GRM8: variants seen among roughly 807,000 people sequenced by gnomAD.
GRM8 encodes glutamate metabotropic receptor 8, also known as metabotropic glutamate receptor 8.
Under a neutral mutation model 87.2 loss-of-function variants are expected in GRM8, and 47 were observed. The observed-to-expected ratio is 0.54, with a 90% CI of 0.43 to 0.69. The LOEUF (loss-of-function observed/expected upper bound fraction) is 0.69. Ranked by LOEUF, GRM8 falls within the 30% of genes least tolerant of loss-of-function variation. The pLI, the probability that GRM8 is intolerant of heterozygous loss-of-function variation, is 0.00. For synonymous variants in GRM8, 396 were observed against 404.5 expected, an observed-to-expected ratio of 0.98 and a Z score of 0.25; for missense variants, 1,019 against 1,139.2, an observed-to-expected ratio of 0.89 and a Z score of 1.52.
At chr7:126,973,054 G>A (rs894594489) in intron 3 of GRM8, among the ~76,000 whole-genome samples, 7 of 152,166 alleles carry the variant, frequency 4.6e-5, no homozygotes, top group Non-Finnish European at 1.0e-4. Flanking sequence ...TATTAGCTAT[G>A]TCTTGTATTC....
At chr7:126,761,486 T>C (rs528384594) in intron 7 of GRM8, among the ~76,000 whole-genome samples, 6 of 152,300 alleles carry the variant, frequency 3.9e-5, no homozygotes, top group African/African-American at 1.2e-4. Context: ...TATTTTCTCA[T>C]TGTGACTACT....
intron 7 of GRM8, among the ~76,000 whole-genome samples, chr7:126,638,207 A>G (rs947233227): frequency 6.6e-6 from 1 of 152,118 alleles, no homozygotes; most frequent in Non-Finnish European, 1.5e-5. Context: ...TTGCCTAAGT[A>G]CCACTGATTA....
At chr7:126,937,205 T>A (rs143959849) in intron 3 of GRM8, among the ~76,000 whole-genome samples, 38 of 152,278 alleles carry the variant, frequency 2.5e-4, no homozygotes, top group African/African-American at 7.2e-4. Flanking sequence ...GGATTTCCCA[T>A]TCGAGCCTAT....
rs139832991 is a variant in GRM8, at chr7:127,156,265, A to T, written c.511-49553T>A. On this transcript the variant is annotated intron_variant, in intron 2 of 10. Transcript: ENST00000339582. ...CTTACCACTGGGGTGGAAGAATAGC[A>T]GCACCAGCCCACCTTCGTAGCAGTT... Among the ~76,000 whole-genome samples the T allele has an allele frequency of 8.3e-3, 1,260 of 152,256 alleles. 12 individuals carry two copies. The highest frequency in any genetic ancestry group is 0.014 in the Non-Finnish European group (928 of 68,004).
chr7:126,458,739 C>A (rs1430620543), intron 9 of GRM8, among the ~76,000 whole-genome samples: 3 of 150,880 alleles, frequency 2.0e-5, no homozygotes, highest in African/African-American at 7.3e-5. Context: ...GAGACTATAT[C>A]CTTTCACCTA....
At chr7:126,741,520 C>T (rs1252919085) in intron 7 of GRM8, among the ~76,000 whole-genome samples, 1 of 152,026 alleles carries the variant, frequency 6.6e-6, no homozygotes, top group Non-Finnish European at 1.5e-5. Context: ...TGGGAACAGG[C>T]CAGGATTTTT....
chr7:127,105,569 G>A (rs1825728804), intron 3 of GRM8, among the ~76,000 whole-genome samples: 1 of 152,118 alleles, frequency 6.6e-6, no homozygotes, highest in Non-Finnish European at 1.5e-5. Flanking sequence ...CTTTCTCTGA[G>A]TCGAGGCCTC....
At chr7:126,481,373 A>G (rs1191766835) in intron 9 of GRM8, among the ~76,000 whole-genome samples, 3 of 152,106 alleles carry the variant, frequency 2.0e-5, no homozygotes, top group African/African-American at 7.2e-5. Flanking sequence ...TCAATTACCA[A>G]TGAAAAAATC....
At chr7:126,883,674 T>G (rs528920650) in intron 6 of GRM8, among the ~76,000 whole-genome samples, 1 of 152,120 alleles carries the variant, frequency 6.6e-6, no homozygotes. Context: ...CTAATATGTA[T>G]TCAAAAACCA....
Position 126,991,511 on chromosome 7 carries a change from C to G in GRM8, c.728-86828G>C, listed in dbSNP as rs980016769. 2.0e-4 allele frequency among the ~76,000 whole-genome samples: 31 copies of G among 152,082 alleles called. 1 individual carries two copies. Among genetic ancestry groups the G allele is most frequent in the Admixed American group, 6.5e-5 (1 of 15,280 alleles). Reference sequence around the variant, plus strand: ...AAAGGTAGGGCCTTTTATGAAATAGCTTTTTTATTAATTCAAAGAGATTAT... The same window carrying G: ...AAAGGTAGGGCCTTTTATGAAATAGGTTTTTTATTAATTCAAAGAGATTAT... On this transcript the variant is annotated intron_variant, in intron 3 of 10. Coordinates refer to ENST00000339582, the MANE Select transcript of GRM8 (RefSeq NM_000845.3).
At chr7:127,208,402 G>A (rs74919869) in intron 2 of GRM8, among the ~76,000 whole-genome samples, 1 of 152,072 alleles carries the variant, frequency 6.6e-6, no homozygotes, top group Non-Finnish European at 1.5e-5. Flanking sequence ...AATAGCCTCT[G>A]CAAGAGGCTA....
At chr7:127,054,088 A>T (rs1384501129) in intron 3 of GRM8, among the ~76,000 whole-genome samples, 1 of 152,080 alleles carries the variant, frequency 6.6e-6, no homozygotes, top group Non-Finnish European at 1.5e-5. Flanking sequence ...TACCCAAAAG[A>T]TAGACATATG....
At chr7:127,224,049 T>A (rs901747732) in intron 2 of GRM8, among the ~76,000 whole-genome samples, 3 of 149,602 alleles carry the variant, frequency 2.0e-5, no homozygotes, top group Non-Finnish European at 4.4e-5. Flanking sequence ...GGGAAAAAAA[T>A]GAACTAAGCC....
At chr7:127,190,307 C>A (rs1029471862) in intron 2 of GRM8, among the ~76,000 whole-genome samples, 1 of 152,160 alleles carries the variant, frequency 6.6e-6, no homozygotes, top group Non-Finnish European at 1.5e-5. Flanking sequence ...AGCCCAGGAA[C>A]AGAGAATTGT....
chr7:126,826,805 GAATGGT>G (rs1794849406), intron 6 of GRM8, among the ~76,000 whole-genome samples: 1 of 152,134 alleles, frequency 6.6e-6, no homozygotes, highest in Non-Finnish European at 1.5e-5. Flanking sequence ...CCTATGTCCT[GAATGGT>G]AATGCCTAGG....
intron 3 of GRM8, among the ~76,000 whole-genome samples, chr7:127,068,858 C>T (rs1821396331): frequency 6.6e-6 from 1 of 152,140 alleles, no homozygotes; most frequent in South Asian, 2.1e-4. Flanking sequence ...CTCCTGTTAG[C>T]TGAATCCAGT....
chr7:127,233,850 C>T (rs990093259), intron 2 of GRM8, among the ~76,000 whole-genome samples: 1 of 152,148 alleles, frequency 6.6e-6, no homozygotes, highest in Non-Finnish European at 1.5e-5. Context: ...ATAACAGTGG[C>T]TGTGCACAAT....
chr7:126,855,871 G>C (rs551887833), intron 6 of GRM8, among the ~76,000 whole-genome samples: 6 of 152,184 alleles, frequency 3.9e-5, no homozygotes, highest in Non-Finnish European at 7.4e-5. Context: ...AGGTGATAAA[G>C]TCCCTGGAAC....
intron 7 of GRM8, among the ~76,000 whole-genome samples, chr7:126,633,224 A>G (rs966134190): frequency 1.3e-5 from 2 of 152,128 alleles, no homozygotes; most frequent in Admixed American, 1.3e-4. Context: ...AGTGGAGAAG[A>G]AATGTGGAAG....
Sources: allele counts gnomAD v4.1 joint callset (sites outside exome capture counted in the v4.1 genomes callset), GRCh38; gene constraint gnomAD v4.1.1; transcripts MANE v1.5; gene names NCBI Gene and HGNC (gene_info 2026-07-23, HGNC 2026-07-21).